Variants in TAPT1 observed in about 807,000 individuals in gnomAD.
TAPT1 encodes the protein transmembrane anterior posterior transformation protein 1 homolog.
Under a neutral mutation model 65.6 loss-of-function variants are expected in TAPT1, and 28 were observed. The observed-to-expected ratio is 0.43, with a 90% CI of 0.32 to 0.59. The LOEUF (loss-of-function observed/expected upper bound fraction) is 0.59, where lower values mean the gene tolerates loss of function less well. Ranked by LOEUF, TAPT1 falls within the 20% of genes least tolerant of loss-of-function variation. The pLI, the probability that TAPT1 is intolerant of heterozygous loss-of-function variation, is 0.09. For missense variants in TAPT1, 563 were observed against 679.9 expected, an observed-to-expected ratio of 0.83 and a Z score of 1.91; for synonymous variants, 278 against 245.2, an observed-to-expected ratio of 1.13 and a Z score of -1.25.
chr4:16,188,643 G>A (rs1030207931), intron 4 of TAPT1, among the ~76,000 whole-genome samples: 20 of 149,568 alleles, frequency 1.3e-4, no homozygotes, highest in African/African-American at 4.7e-4. Flanking sequence ...ACATCTGGCC[G>A]GGCACGGTGG....
At chr4:16,167,273 G>C (rs562782342) in intron 12 of TAPT1, among the ~76,000 whole-genome samples, 1 of 152,162 alleles carries the variant, frequency 6.6e-6, no homozygotes, top group Non-Finnish European at 1.5e-5. Flanking sequence ...TTACAGGTGT[G>C]AGCCACCATG....
At chr4:16,173,451 C>T (rs1748129855) in intron 11 of TAPT1, among the ~76,000 whole-genome samples, 1 of 152,102 alleles carries the variant, frequency 6.6e-6, no homozygotes, top group Admixed American at 6.5e-5. Flanking sequence ...TGGAGTCTTG[C>T]TCTTTCGCCC....
chr4:16,206,085 A>G (rs753549129), intron 2 of TAPT1, among the ~76,000 whole-genome samples: 2 of 152,242 alleles, frequency 1.3e-5, no homozygotes, highest in Non-Finnish European at 2.9e-5. Flanking sequence ...GAAAGCAATT[A>G]CTGCAGATTC....
rs1276421427 is a variant in TAPT1 at position 16,226,357 on chromosome 4, C to T, written c.101G>A (p.Gly34Asp). ...CGGCGGGGGCCCCTGTCCGCCGCTG[C>T]CGCCCGGCTGCTCCGCCTCGCCGCG... ...DGRGEAEQPGGSGGQGPPPAP... is the reference protein window; with the variant it reads ...DGRGEAEQPGDSGGQGPPPAP... The change falls in exon 1 of 14, where the codon GGC (glycine) becomes GAC (aspartate). Residue 34 changes from glycine to aspartate, a missense_variant. By Grantham distance (94) the Gly-to-Asp change is moderately conservative (BLOSUM62 -1). This residue lies in a region of TAPT1 where 103 missense variants were observed against 89.4 expected (regional missense o/e 1.15). Coordinates refer to ENST00000405303, the MANE Select transcript of TAPT1 (RefSeq NM_153365.3). 1 of 1,113,284 alleles carries T rather than the reference C, an allele frequency of 9.0e-7. No homozygotes were observed. 69.0% of individuals were successfully genotyped at this position (1,113,284 alleles called of 1,614,324 possible).
chr4:16,181,249 G>A (rs1434278560), intron 7 of TAPT1, among the ~76,000 whole-genome samples: 1 of 152,138 alleles, frequency 6.6e-6, no homozygotes, highest in Non-Finnish European at 1.5e-5. Context: ...TGTGTGCTAA[G>A]TCCTTTCTAA....
intron 1 of TAPT1, among the ~76,000 whole-genome samples, chr4:16,221,942 A>T (rs1331507982): frequency 1.3e-5 from 2 of 152,248 alleles, no homozygotes; most frequent in Admixed American, 1.3e-4. Flanking sequence ...CATTTCACAC[A>T]GTATATTCAA....
chr4:16,170,717 C>A lies in TAPT1; in HGVS notation c.1249G>T (p.Val417Leu), dbSNP rs777554972. Residue 417 changes from valine (V) to leucine (L), a missense_variant, in exon 12 of 14, where the codon GTA (valine) becomes TTA (leucine). Around this residue, in one of 5 missense-constraint regions of TAPT1, gnomAD observed 104 missense variants for 102.5 expected, o/e 1.01. Coordinates refer to ENST00000405303, the MANE Select transcript of TAPT1 (RefSeq NM_153365.3). ...LPLAVLLIRV[V>L]TSSIKVQGIL... ...CCTTGCACTTTAATTGAGCTTGTTA[C>A]AACTCTGATGAGCTAGCCAGAAACA... 1 of 1,613,526 alleles carries A rather than the reference C, an allele frequency of 6.2e-7. No individual in the cohort carries two copies. The highest frequency in any genetic ancestry group is 8.5e-7 in the Non-Finnish European group (1 of 1,179,568).
intron 1 of TAPT1, among the ~76,000 whole-genome samples, chr4:16,219,587 A>C (rs907958557): frequency 6.6e-6 from 1 of 152,220 alleles, no homozygotes; most frequent in South Asian, 2.1e-4. Context: ...CATAAGGTAA[A>C]TATCTTGAAA....
intron 1 of TAPT1, among the ~76,000 whole-genome samples, chr4:16,214,922 A>G (rs1750848923): frequency 6.6e-6 from 1 of 152,166 alleles, no homozygotes; most frequent in Non-Finnish European, 1.5e-5. Flanking sequence ...ATTTATGCAG[A>G]TCTACTTAAG....
At chr4:16,163,729 T>C (rs2149660948) in intron 13 of TAPT1, among the ~76,000 whole-genome samples, 192 bp from the exon 14 acceptor site, 1 of 152,348 alleles carries the variant, frequency 6.6e-6, no homozygotes, top group South Asian at 2.1e-4. Context: ...AATCATCTGT[T>C]TGTTCAACTT....
intron 10 of TAPT1, 88 bp from the exon 11 acceptor site, chr4:16,174,360 C>T (rs1748194601): frequency 2.5e-6 from 3 of 1,186,774 alleles, no homozygotes; most frequent in East Asian, 5.1e-5. Context: ...AGCAAATGTT[C>T]TAAACAGGTG....
intron 11 of TAPT1, among the ~76,000 whole-genome samples, chr4:16,173,477 G>A (rs1423859546): frequency 6.6e-6 from 1 of 151,678 alleles, no homozygotes; most frequent in East Asian, 1.9e-4. Context: ...GGAGTGCAGT[G>A]GCACGATCTC....
At chr4:16,168,035 T>C (rs1438429540) in intron 12 of TAPT1, among the ~76,000 whole-genome samples, 3 of 152,014 alleles carry the variant, frequency 2.0e-5, no homozygotes, top group Non-Finnish European at 4.4e-5. Flanking sequence ...AGGCATTCAA[T>C]ACAAATCTGG....
intron 1 of TAPT1, among the ~76,000 whole-genome samples, chr4:16,222,900 A>G (rs1409739902): frequency 1.3e-5 from 2 of 152,328 alleles, no homozygotes; most frequent in East Asian, 3.9e-4. Context: ...AGTAGAAACA[A>G]TATGTTCACC....
At chr4:16,172,287 G>A (rs1401588503) in intron 11 of TAPT1, among the ~76,000 whole-genome samples, 1 of 150,912 alleles carries the variant, frequency 6.6e-6, no homozygotes, top group Non-Finnish European at 1.5e-5. Flanking sequence ...CAAGTTACTA[G>A]ACAAATAAGT....
At chr4:16,222,210 T>C (rs1168012495) in intron 1 of TAPT1, among the ~76,000 whole-genome samples, 2 of 152,204 alleles carry the variant, frequency 1.3e-5, no homozygotes. Context: ...AGGATTGAAT[T>C]TCAGAGCGTA....
At chr4:16,173,691 TGTTTCTA>T (rs1346322416) in intron 11 of TAPT1, among the ~76,000 whole-genome samples, 6 of 152,222 alleles carry the variant, frequency 3.9e-5, no homozygotes, top group Non-Finnish European at 8.8e-5. Context: ...CTATTTCGTT[TGTTTCTA>T]ACTTTTTATT....
intron 2 of TAPT1, among the ~76,000 whole-genome samples, chr4:16,203,206 T>C (rs10017532): frequency 0.43 from 65,087 of 152,036 alleles, 14,485 homozygotes; most frequent in African/African-American, 0.55. Context: ...TTCGAGGACT[T>C]GGCCAAGTAG....
At chr4:16,217,272 G>C (rs1167494107) in intron 1 of TAPT1, among the ~76,000 whole-genome samples, 1 of 152,112 alleles carries the variant, frequency 6.6e-6, no homozygotes, top group Admixed American at 6.5e-5. Flanking sequence ...CTGGGACCCA[G>C]CACATAACAG....
Sources: gnomAD v4.1 joint callset for allele counts (sites outside exome capture counted in the v4.1 genomes callset) on GRCh38, gnomAD v4.1.1 for gene constraint, gnomAD v4.1.1 regional missense constraint, MANE v1.5 for transcripts, NCBI Gene and HGNC (gene_info 2026-07-23, HGNC 2026-07-21) for gene names.